PDZRN4: variants seen among roughly 807,000 people sequenced by gnomAD.
PDZRN4 encodes PDZ domain-containing RING finger protein 4.
A neutral mutation model predicts 99.0 loss-of-function variants in PDZRN4; 70 were observed. That is an observed-to-expected ratio of 0.71 (90% CI 0.58 to 0.86). The LOEUF (loss-of-function observed/expected upper bound fraction) is 0.86. Ranked by LOEUF, PDZRN4 falls within the 40% of genes least tolerant of loss-of-function variation. The probability of loss-of-function intolerance (pLI) is 0.00; values close to 1 mark genes in which losing one functional copy is unlikely to be tolerated. For missense variants in PDZRN4, 1,474 were observed against 1,331.2 expected, an observed-to-expected ratio of 1.11 and a Z score of -1.67; for synonymous variants, 551 against 501.6, an observed-to-expected ratio of 1.10 and a Z score of -1.32.
chr12:41,357,717 T>C (rs1157086622), intron 3 of PDZRN4, among the ~76,000 whole-genome samples: 2 of 151,992 alleles, frequency 1.3e-5, no homozygotes, highest in African/African-American at 4.8e-5. Flanking sequence ...TGTGAGGCAA[T>C]AGGTTTTGGC....
intron 3 of PDZRN4, among the ~76,000 whole-genome samples, chr12:41,400,767 G>C (rs1051467124): frequency 2.6e-5 from 4 of 152,070 alleles, no homozygotes; most frequent in African/African-American, 7.2e-5. Context: ...AGTGCCTTTA[G>C]GAACAGATGT....
chr12:41,288,194 A>G (rs1160215135), intron 3 of PDZRN4, among the ~76,000 whole-genome samples: 1 of 152,188 alleles, frequency 6.6e-6, no homozygotes, highest in African/African-American at 2.4e-5. Flanking sequence ...TGTAGGTAAT[A>G]AACGCAGCCT....
intron 3 of PDZRN4, among the ~76,000 whole-genome samples, chr12:41,462,761 A>T (rs1952884278): frequency 6.7e-6 from 1 of 149,790 alleles, no homozygotes; most frequent in South Asian, 2.1e-4. Flanking sequence ...GATGAACACA[A>T]TTATGTATCA....
chr12:41,225,119 A>G (rs1185612272), intron 3 of PDZRN4, among the ~76,000 whole-genome samples: 1 of 152,200 alleles, frequency 6.6e-6, no homozygotes, highest in Non-Finnish European at 1.5e-5. Flanking sequence ...AATATAATAT[A>G]GCTTTCATTT....
chr12:41,284,983 C>CA (rs1321239427), intron 3 of PDZRN4, among the ~76,000 whole-genome samples: 3 of 151,964 alleles, frequency 2.0e-5, no homozygotes, highest in Non-Finnish European at 4.4e-5. Context: ...AAAGCAATGA[C>CA]AAAAAAAGCC....
chr12:41,561,417 C>T (rs1592113358), intron 7 of PDZRN4, among the ~76,000 whole-genome samples: 3 of 151,654 alleles, frequency 2.0e-5, no homozygotes, highest in Admixed American at 6.6e-5. Context: ...CCTGTATCGA[C>T]TCATGTAATC....
chr12:41,516,092 G>A (rs1213012035), intron 5 of PDZRN4, among the ~76,000 whole-genome samples: 2 of 151,942 alleles, frequency 1.3e-5, no homozygotes, highest in Non-Finnish European at 2.9e-5. Context: ...TCAAAGACAA[G>A]AGTCAAGCAT....
chr12:41,479,440 C>T (rs1206990917), intron 3 of PDZRN4, among the ~76,000 whole-genome samples: 1 of 152,164 alleles, frequency 6.6e-6, no homozygotes, highest in Admixed American at 6.5e-5. Flanking sequence ...TGAATAACTC[C>T]TCATGTGCAT....
intron 3 of PDZRN4, among the ~76,000 whole-genome samples, chr12:41,257,513 C>G (rs1338029503): frequency 6.6e-6 from 1 of 152,096 alleles, no homozygotes; most frequent in Non-Finnish European, 1.5e-5. Flanking sequence ...GTAACTGAAG[C>G]CTTGGGTGTA....
At chr12:41,425,691 C>G (rs1952529924) in intron 3 of PDZRN4, among the ~76,000 whole-genome samples, 1 of 152,126 alleles carries the variant, frequency 6.6e-6, no homozygotes, top group Non-Finnish European at 1.5e-5. Flanking sequence ...TCAACTTAAG[C>G]AAACAACTAG....
chr12:41,490,315 A>C (rs1036058643), intron 3 of PDZRN4, among the ~76,000 whole-genome samples: 4 of 152,164 alleles, frequency 2.6e-5, no homozygotes, highest in Non-Finnish European at 4.4e-5. Flanking sequence ...GAAACTAGAA[A>C]GACTATTTAA....
intron 3 of PDZRN4, among the ~76,000 whole-genome samples, chr12:41,252,229 A>C (rs1951175857): frequency 1.3e-5 from 2 of 152,322 alleles, no homozygotes; most frequent in South Asian, 4.1e-4. Context: ...TTCTACTCCT[A>C]GGTATTTAAT....
chr12:41,509,108 A>T (rs564385156), intron 4 of PDZRN4, among the ~76,000 whole-genome samples: 42 of 152,284 alleles, frequency 2.8e-4, no homozygotes, highest in Admixed American at 1.6e-3. Context: ...CATAAAAGCC[A>T]TATCCTCTCA....
At chr12:41,253,223 T>G (rs918014751) in intron 3 of PDZRN4, among the ~76,000 whole-genome samples, 2 of 151,756 alleles carry the variant, frequency 1.3e-5, no homozygotes, top group African/African-American at 4.9e-5. Context: ...TTTTGAAGTC[T>G]TACACAAAAA....
intron 3 of PDZRN4, among the ~76,000 whole-genome samples, chr12:41,227,696 A>G (rs1478720956): frequency 6.6e-6 from 1 of 152,028 alleles, no homozygotes; most frequent in Non-Finnish European, 1.5e-5. Context: ...AAACATTAAG[A>G]CATTGATGCT....
At chr12:41,246,322 T>C (rs939601235) in intron 3 of PDZRN4, among the ~76,000 whole-genome samples, 1 of 152,170 alleles carries the variant, frequency 6.6e-6, no homozygotes, top group Non-Finnish European at 1.5e-5. Context: ...AACTGTACAG[T>C]TAATTGTACA....
intron 3 of PDZRN4, among the ~76,000 whole-genome samples, chr12:41,333,265 T>A (rs1333745514): frequency 1.3e-5 from 2 of 152,150 alleles, no homozygotes; most frequent in Admixed American, 1.3e-4. Flanking sequence ...GCTGCAGACA[T>A]GGAGAGGCAG....
chr12:41,437,668 T>A, intron 3 of PDZRN4: 1 of 1,041,008 alleles, frequency 9.6e-7, no homozygotes, highest in South Asian at 2.0e-5. Context: ...TGTAGTCATG[T>A]GCACTGATGC....
rs148598216 is a variant in PDZRN4 at position 41,452,838 on chromosome 12, A to G, written c.844-53618A>G. 7.8e-4 allele frequency among the ~76,000 whole-genome samples: 119 copies of G among 152,308 alleles called. No homozygotes were observed. In the East Asian group the frequency reaches 0.022, roughly 28 times the overall value. On this transcript the variant is annotated intron_variant, in intron 3 of 9. Transcript: ENST00000402685. ...AGTTACCTTAATTTGCTGCAACGAA[A>G]AAGTGTTTTAATTATGTATACTGTC...
Sources: allele counts gnomAD v4.1 joint callset (sites outside exome capture counted in the v4.1 genomes callset), GRCh38; gene constraint gnomAD v4.1.1; transcripts MANE v1.5; gene names NCBI Gene and HGNC (gene_info 2026-07-23, HGNC 2026-07-21).